CTNNA3: variants seen among roughly 807,000 people sequenced by gnomAD.
The protein encoded by CTNNA3 is catenin alpha-3.
In CTNNA3, 76 loss-of-function variants were observed where a neutral mutation model predicts 95.7. The observed-to-expected ratio is 0.79, with a 90% confidence interval of 0.66 to 0.96. CTNNA3 has a LOEUF of 0.96. Ranked by LOEUF, CTNNA3 falls within the 40% of genes least tolerant of loss-of-function variation. CTNNA3 has a pLI of 0.00. For synonymous variants in CTNNA3, 431 were observed against 374.4 expected (o/e 1.15, Z -1.74); for missense variants, 1,191 against 1,089.8 (o/e 1.09, Z -1.31).
At chr10:66,624,568 G>A (rs560050203) in intron 9 of CTNNA3, among the ~76,000 whole-genome samples, 1 of 152,202 alleles carries the variant, frequency 6.6e-6, no homozygotes, top group African/African-American at 2.4e-5. Flanking sequence ...ATTGAACTCA[G>A]TAGTAGGCTG....
intron 7 of CTNNA3, among the ~76,000 whole-genome samples, chr10:66,778,996 A>T (rs193291257): frequency 6.6e-6 from 1 of 152,308 alleles, no homozygotes; most frequent in African/African-American, 2.4e-5. Context: ...AAATAAAAAT[A>T]AATAAAATAA....
At chr10:66,254,181 A>G (rs1221139855) in intron 13 of CTNNA3, among the ~76,000 whole-genome samples, 5 of 152,140 alleles carry the variant, frequency 3.3e-5, no homozygotes, top group Non-Finnish European at 1.5e-5. Flanking sequence ...TTCGAGGAAA[A>G]TTACCTAGTG....
intron 11 of CTNNA3, among the ~76,000 whole-genome samples, chr10:66,434,065 G>T (rs1007813618): frequency 6.6e-6 from 1 of 152,264 alleles, no homozygotes; most frequent in Non-Finnish European, 1.5e-5. Context: ...GTAGTTTGAA[G>T]ACAGGTAGCA....
chr10:66,263,163 G>A (rs1051448164), intron 13 of CTNNA3, among the ~76,000 whole-genome samples: 2 of 151,938 alleles, frequency 1.3e-5, no homozygotes, highest in Non-Finnish European at 2.9e-5. Flanking sequence ...GCCATCATTG[G>A]GGGTAACAGA....
chr10:66,113,632 AT>A (rs2082201765), intron 13 of CTNNA3, among the ~76,000 whole-genome samples: 1 of 152,162 alleles, frequency 6.6e-6, no homozygotes, highest in Non-Finnish European at 1.5e-5. Flanking sequence ...TATTTATAAA[AT>A]TTCAGTCATT....
chr10:67,558,734 C>G (rs981754717), intron 3 of CTNNA3, among the ~76,000 whole-genome samples: 1 of 152,182 alleles, frequency 6.6e-6, no homozygotes, highest in East Asian at 1.9e-4. Flanking sequence ...CTTTCCTGGT[C>G]AAAGAAAGGG....
At chr10:66,736,896 AAC>A (rs1849162721) in intron 9 of CTNNA3, among the ~76,000 whole-genome samples, 1 of 152,168 alleles carries the variant, frequency 6.6e-6, no homozygotes, top group Non-Finnish European at 1.5e-5. Context: ...ATAGTTGAAA[AAC>A]ATTTGATTTT....
chr10:66,144,918 T>C (rs1446766741), intron 13 of CTNNA3, among the ~76,000 whole-genome samples: 1 of 152,208 alleles, frequency 6.6e-6, no homozygotes, highest in Non-Finnish European at 1.5e-5. Flanking sequence ...TATGCATACT[T>C]TTAGGGAACT....
At chr10:67,707,194 T>C (rs1171880339) in intron 1 of CTNNA3, among the ~76,000 whole-genome samples, 1 of 152,186 alleles carries the variant, frequency 6.6e-6, no homozygotes, top group African/African-American at 2.4e-5. Context: ...CTTAGAAGTT[T>C]AGCTCATGTT....
intron 2 of CTNNA3, among the ~76,000 whole-genome samples, chr10:67,645,190 C>A (rs551031757): frequency 6.9e-6 from 1 of 145,390 alleles, no homozygotes; most frequent in Non-Finnish European, 1.5e-5. Context: ...TGTGCACGTG[C>A]GCGCACACAC....
At chr10:66,493,397 A>G (rs1161170853) in intron 11 of CTNNA3, among the ~76,000 whole-genome samples, 1 of 152,120 alleles carries the variant, frequency 6.6e-6, no homozygotes. Flanking sequence ...TTCTAAACTC[A>G]TAAGAGCTGT....
intron 15 of CTNNA3, among the ~76,000 whole-genome samples, chr10:66,050,984 G>T (rs1012508044): frequency 2.0e-5 from 3 of 152,070 alleles, no homozygotes; most frequent in Admixed American, 1.3e-4. Flanking sequence ...CTCCTGAGTA[G>T]CTAGGACTAC....
intron 7 of CTNNA3, among the ~76,000 whole-genome samples, chr10:67,153,002 G>T (rs1374412969): frequency 6.6e-6 from 1 of 151,680 alleles, no homozygotes; most frequent in Non-Finnish European, 1.5e-5. Context: ...CTGAGACAGG[G>T]TCTTTCCCTG....
At chr10:66,174,734 T>TG (rs2085618506) in intron 13 of CTNNA3, among the ~76,000 whole-genome samples, 3 of 152,074 alleles carry the variant, frequency 2.0e-5, no homozygotes, top group Non-Finnish European at 4.4e-5. Flanking sequence ...TTGGTAAACA[T>TG]GGGGGTCCTG....
At chr10:66,030,759 A>G (rs1272630750) in intron 15 of CTNNA3, among the ~76,000 whole-genome samples, 1 of 152,164 alleles carries the variant, frequency 6.6e-6, no homozygotes, top group East Asian at 1.9e-4. Context: ...TTACCAACAG[A>G]TAACCTACAG....
intron 16 of CTNNA3, among the ~76,000 whole-genome samples, chr10:65,967,262 C>T (rs778815309): frequency 1.2e-4 from 18 of 151,976 alleles, no homozygotes; most frequent in Non-Finnish European, 1.9e-4. Flanking sequence ...GGCCAAGAAA[C>T]GTTAAAATAA....
intron 12 of CTNNA3, among the ~76,000 whole-genome samples, chr10:66,347,890 A>G (rs1179692605): frequency 1.3e-5 from 2 of 152,230 alleles, no homozygotes; most frequent in African/African-American, 2.4e-5. Context: ...TCGAGATAAT[A>G]GAATAAATGA....
chr10:67,469,752 G>A (rs545088877), intron 5 of CTNNA3, among the ~76,000 whole-genome samples: 52 of 151,848 alleles, frequency 3.4e-4, no homozygotes, highest in Middle Eastern at 3.4e-3. Context: ...AGAACTTAAA[G>A]TACAATAAAA....
At chr10:67,253,727 G>A (rs550086508) in intron 5 of CTNNA3, among the ~76,000 whole-genome samples, 1 of 152,214 alleles carries the variant, frequency 6.6e-6, no homozygotes, top group Non-Finnish European at 1.5e-5. Context: ...CTCCAATGCA[G>A]CAACACCAAA....
Sources: gnomAD v4.1 joint callset for allele counts (sites outside exome capture counted in the v4.1 genomes callset) on GRCh38, gnomAD v4.1.1 for gene constraint, MANE v1.5 for transcripts, NCBI Gene and HGNC (gene_info 2026-07-23, HGNC 2026-07-21) for gene names.